UGGT1: variants seen among roughly 807,000 people sequenced by gnomAD.
UGGT1 encodes the protein UDP-glucose:glycoprotein glucosyltransferase 1.
In UGGT1, 107 loss-of-function variants were observed where a neutral mutation model predicts 203.9. That is an observed-to-expected ratio of 0.52 (90% CI 0.45 to 0.62). The LOEUF (loss-of-function observed/expected upper bound fraction) is 0.62, where lower values mean the gene tolerates loss of function less well. UGGT1 is among the 20% of genes least tolerant of loss of function. The pLI is 0.00. For synonymous variants in UGGT1, 628 were observed against 653.5 expected (o/e 0.96, Z 0.59); for missense variants, 1,673 against 1,867.2 (o/e 0.90, Z 1.92).
In UGGT1 at chr2:128,195,490, G is replaced by A. The variant is rs1692473670; in HGVS notation, c.*5748G>A. On this transcript the variant is annotated 3_prime_UTR_variant, in exon 41 of 41. Transcript: ENST00000259253. Reference sequence around the variant, plus strand: ...AAAATCTTCTTTATGAATATCCAATGTTACTGTAATCCTGCTCCATTAAAT... The same window carrying A: ...AAAATCTTCTTTATGAATATCCAATATTACTGTAATCCTGCTCCATTAAAT... 1 of 152,188 alleles carries A rather than the reference G, an allele frequency of 6.6e-6. No individual in the cohort carries two copies. Among genetic ancestry groups the A allele is most frequent in the Non-Finnish European group, 1.5e-5 (1 of 68,036 alleles). 9.4% of individuals were successfully genotyped at this position (152,188 alleles called of 1,614,324 possible). A position where few individuals can be genotyped will look rare whatever the true frequency, so the allele number is the denominator to read the frequency against.
intron 18 of UGGT1, chr2:128,151,245 C>T (rs1305184960): frequency 5.7e-5 from 34 of 597,616 alleles, no homozygotes; most frequent in South Asian, 4.7e-4. Context: ...CTTTTTGTTT[C>T]TGCTTGAAAG....
chr2:128,147,854 A>G (rs1030673346), intron 18 of UGGT1, among the ~76,000 whole-genome samples: 28 of 152,180 alleles, frequency 1.8e-4, no homozygotes, highest in African/African-American at 6.3e-4. Flanking sequence ...CCTGGGCCCA[A>G]GTGATCTTTC....
intron 4 of UGGT1, among the ~76,000 whole-genome samples, chr2:128,108,527 GAA>G (rs749902872): frequency 1.3e-5 from 2 of 151,788 alleles, no homozygotes; most frequent in Non-Finnish European, 2.9e-5. Flanking sequence ...TAATTGAAAA[GAA>G]AAAGAGGGAC....
chr2:128,093,652 G>A (rs1409361690), intron 1 of UGGT1, among the ~76,000 whole-genome samples: 1 of 152,224 alleles, frequency 6.6e-6, no homozygotes, highest in Non-Finnish European at 1.5e-5. Context: ...CTCAGTCTGA[G>A]TCTGCACAGA....
intron 27 of UGGT1, 77 bp downstream of exon 27, chr2:128,170,467 G>A (rs1318707923): frequency 1.1e-5 from 15 of 1,321,258 alleles, no homozygotes; most frequent in South Asian, 1.1e-4. Context: ...TGAGAGCTTC[G>A]TTTTCCTTGA....
chr2:128,095,516 T>C (rs1418720240), intron 1 of UGGT1, among the ~76,000 whole-genome samples: 1 of 150,320 alleles, frequency 6.7e-6, no homozygotes, highest in African/African-American at 2.5e-5. Context: ...CCTCCTGTCC[T>C]GCTCTCCTCC....
chr2:128,181,992 C>A, intron 36 of UGGT1, 138 bp from the exon 37 acceptor site: 1 of 712,676 alleles, frequency 1.4e-6, no homozygotes, highest in Non-Finnish European at 2.3e-6. Context: ...AATCAAAGTG[C>A]ATCTGCCCCT....
At chr2:128,134,603 T>A (rs984759890) in intron 14 of UGGT1, among the ~76,000 whole-genome samples, 3 of 152,214 alleles carry the variant, frequency 2.0e-5, no homozygotes, top group Non-Finnish European at 4.4e-5. Flanking sequence ...AACTTGGTTT[T>A]CATTTGGTGT....
At chr2:128,162,750 A>G (rs1348967765) in intron 25 of UGGT1, among the ~76,000 whole-genome samples, 1 of 152,140 alleles carries the variant, frequency 6.6e-6, no homozygotes, top group Admixed American at 6.5e-5. Context: ...TTGGTGTGGC[A>G]TGCTGTTGGA....
At chr2:128,098,528 G>T (rs577998387) in intron 2 of UGGT1, among the ~76,000 whole-genome samples, 2 of 152,318 alleles carry the variant, frequency 1.3e-5, no homozygotes, top group African/African-American at 4.8e-5. Context: ...GGCTGAGGTG[G>T]GTGGATTGCT....
chr2:128,165,206 C>T (rs1321009264), intron 26 of UGGT1, among the ~76,000 whole-genome samples: 2 of 152,180 alleles, frequency 1.3e-5, no homozygotes, highest in African/African-American at 2.4e-5. Flanking sequence ...GTGGGAGGAT[C>T]GCTTGAGCCC....
rs145673253 is a variant in UGGT1 at position 128,138,904 on chromosome 2, T to C, written c.1719+52T>C. ...AATTTTTTCAGATCTAACTTACTCTTAATAACAATGTGTGGTCATTGTATG... is the reference window on the plus strand; with the variant it reads ...AATTTTTTCAGATCTAACTTACTCTCAATAACAATGTGTGGTCATTGTATG... On this transcript the variant is annotated intron_variant, in intron 16 of 40. Coordinates refer to ENST00000259253, the MANE Select transcript of UGGT1 (RefSeq NM_020120.4). 2.4e-3 allele frequency: 3,785 copies of C among 1,606,432 alleles called. 8 individuals carry two copies. Among genetic ancestry groups the C allele is most frequent in the Middle Eastern group, 6.3e-3 (38 of 6,020 alleles).
In UGGT1 at chr2:128,194,664, G is replaced by A. The variant is rs1692437682; in HGVS notation, c.*4922G>A. ...GAGTTAATCAAATAAAGCTTGTCAT[G>A]TGTGTAGTTTGGTAAGATAACTTCT... On this transcript the variant is annotated 3_prime_UTR_variant, in exon 41 of 41. Transcript: ENST00000259253. The A allele has an allele frequency of 6.6e-6, 1 of 152,186 alleles. No homozygotes were observed. Among genetic ancestry groups the A allele is most frequent in the African/African-American group, 2.4e-5 (1 of 41,446 alleles). 9.4% of individuals were successfully genotyped at this position (152,186 alleles called of 1,614,324 possible). A position where few individuals can be genotyped will look rare whatever the true frequency, so the allele number is the denominator to read the frequency against.
chr2:128,134,830 C>A lies in UGGT1; in HGVS notation c.1498-46C>A, dbSNP rs771976058. ...TAACATTTTTCTCGGCCCACAGATACTTGAATAAATGTCATTTCATGTGTT... is the reference window on the plus strand; with the variant it reads ...TAACATTTTTCTCGGCCCACAGATAATTGAATAAATGTCATTTCATGTGTT... On this transcript the variant is annotated intron_variant, in intron 14 of 40. Transcript: ENST00000259253. 2.6e-6 allele frequency: 4 copies of A among 1,565,306 alleles called. No homozygotes were observed. The African/African-American group carries it at 5.4e-5, about 21-fold the overall frequency.
At position 128,159,487 on chromosome 2, in the gene UGGT1, GA is replaced by G. The variant is rs773385112; in HGVS notation, c.2356-26del. 10 of 1,596,866 alleles carry G rather than the reference GA, an allele frequency of 6.3e-6. No individual in the cohort carries two copies. The African/African-American group carries it at 1.2e-4, about 19-fold the overall frequency. On this transcript the variant is annotated intron_variant, in intron 22 of 40. Transcript: ENST00000259253. ...TTAAGTTCAAAAATATCTACAATAT[GA>G]CTCCCGTTTCCCATTTTGTGAACAG...
intron 19 of UGGT1, among the ~76,000 whole-genome samples, chr2:128,154,059 A>G (rs1273338092): frequency 1.2e-5 from 1 of 84,552 alleles, no homozygotes; most frequent in Non-Finnish European, 2.6e-5. Context: ...ACATGTATAT[A>G]TACACACACA....
At chr2:128,187,641 C>T in intron 40 of UGGT1, 27 bp downstream of exon 40, 1 of 1,575,396 alleles carries the variant, frequency 6.3e-7, no homozygotes, top group Non-Finnish European at 8.7e-7. Context: ...GGTTTTAGGA[C>T]AGTACTTCTT....
At chr2:128,144,025 A>G (rs566013664) in intron 17 of UGGT1, among the ~76,000 whole-genome samples, 17 of 152,308 alleles carry the variant, frequency 1.1e-4, no homozygotes, top group Non-Finnish European at 2.1e-4. Context: ...AAAGTAGGCA[A>G]TGCAATTAAA....
intron 25 of UGGT1, among the ~76,000 whole-genome samples, chr2:128,162,993 C>T (rs1483194256): frequency 6.6e-6 from 1 of 152,188 alleles, no homozygotes; most frequent in African/African-American, 2.4e-5. Flanking sequence ...TGGAGTGGCC[C>T]CCTTCCCCGT....
Sources: gnomAD v4.1 joint callset for allele counts (sites outside exome capture counted in the v4.1 genomes callset) on GRCh38, gnomAD v4.1.1 for gene constraint, MANE v1.5 for transcripts, NCBI Gene and HGNC (gene_info 2026-07-23, HGNC 2026-07-21) for gene names.